Variants in MBD3L1 observed in about 807,000 individuals in gnomAD.
MBD3L1 encodes methyl-CpG binding domain protein 3 like 1, also known as methyl-CpG-binding domain protein 3-like 1.
For synonymous variants in MBD3L1, 84 were observed against 85.1 expected (o/e 0.99, Z 0.07); for missense variants, 203 against 230.1 (o/e 0.88, Z 0.76).
Position 8,842,739 on chromosome 19 carries a change from G to T in MBD3L1, c.61G>T (p.Gly21Cys). Reference sequence around the variant, plus strand: ...TGTAAACCAATGCAAATCAAAGCCTGGCTTGAGCACCTCAATCCCTTTGAG... The same window carrying T: ...TGTAAACCAATGCAAATCAAAGCCTTGCTTGAGCACCTCAATCCCTTTGAG... ...DCVNQCKSKP[G>C]LSTSIPLRMS... The change falls in exon 3 of 3, where the codon GGC becomes TGC. Residue 21 changes from glycine to cysteine, a missense_variant. Coordinates refer to ENST00000595891, the MANE Select transcript of MBD3L1 (RefSeq NM_001393532.1). 2.5e-6 allele frequency: 4 copies of T among 1,614,176 alleles called. No individual in the cohort carries two copies. The highest frequency in any genetic ancestry group is 3.4e-6 in the Non-Finnish European group (4 of 1,180,036).
chr19:8,839,916 G>A (rs1040452653), intron 1 of MBD3L1, among the ~76,000 whole-genome samples: 1 of 152,084 alleles, frequency 6.6e-6, no homozygotes, highest in Non-Finnish European at 1.5e-5. Flanking sequence ...TTAAAGATAT[G>A]GGGGCATCTG....
intron 1 of MBD3L1, among the ~76,000 whole-genome samples, chr19:8,839,185 C>CT (rs57499698): frequency 0.7 from 85,322 of 122,036 alleles, 31,194 homozygotes; most frequent in African/African-American, 0.81. Context: ...CTTTTCTTTT[C>CT]TTTTTTTTTT....
At chr19:8,842,576 G>C in intron 2 of MBD3L1, 82 bp from the exon 3 acceptor site, 2 of 1,010,858 alleles carry the variant, frequency 2.0e-6, no homozygotes, top group Admixed American at 2.5e-5. Context: ...AAGGATGAAA[G>C]TCCAGAACAG....
chr19:8,834,637 AC>A (rs2044434439), intron 1 of MBD3L1, among the ~76,000 whole-genome samples: 3 of 151,408 alleles, frequency 2.0e-5, no homozygotes, highest in Admixed American at 6.6e-5. Flanking sequence ...CCAAAAAAAA[AC>A]AAAAAAAAAA....
chr19:8,837,343 C>T (rs1040689358), intron 1 of MBD3L1, among the ~76,000 whole-genome samples: 3 of 152,020 alleles, frequency 2.0e-5, no homozygotes, highest in Admixed American at 6.6e-5. Flanking sequence ...CTGGTGTAGC[C>T]GTATGAAATG....
At chr19:8,840,450 T>C (rs1489042440) in intron 1 of MBD3L1, among the ~76,000 whole-genome samples, 2 of 152,070 alleles carry the variant, frequency 1.3e-5, no homozygotes, top group African/African-American at 4.8e-5. Context: ...ACCTCAGACA[T>C]GTATCATCAC....
Position 8,842,704 on chromosome 19 carries a change from A to C in MBD3L1, c.26A>C (p.Gln9Pro). The change falls in exon 3 of 3, where the codon CAA becomes CCA. Residue 9 changes from glutamine (Q) to proline (P), a missense_variant. Gln to Pro is a moderately conservative substitution (Grantham distance 76, BLOSUM62 -1). Coordinates refer to ENST00000595891, the MANE Select transcript of MBD3L1 (RefSeq NM_001393532.1). The stretch of plus-strand genomic sequence containing the variant: ...ATGGCCAAGAGTTCACAGAGGAAGC[A>C]ACGTGACTGTGTAAACCAATGCAAA... MAKSSQRK[Q>P]RDCVNQCKSK... The C allele has an allele frequency of 6.2e-7, 1 of 1,614,146 alleles. No individual in the cohort carries two copies. Among genetic ancestry groups the C allele is most frequent in the Non-Finnish European group, 8.5e-7 (1 of 1,179,982 alleles).
At chr19:8,833,450 A>C (rs1256566870) in intron 1 of MBD3L1, 1 of 152,226 alleles carries the variant, frequency 6.6e-6, no homozygotes, top group East Asian at 1.9e-4. Flanking sequence ...TTTCTCCTCT[A>C]TCTTTCCAGA....
intron 1 of MBD3L1, among the ~76,000 whole-genome samples, chr19:8,836,690 C>T (rs2044459628): frequency 6.6e-6 from 1 of 152,124 alleles, no homozygotes; most frequent in Admixed American, 6.6e-5. Flanking sequence ...CAGGGACTCG[C>T]CACACCACAG....
At chr19:8,838,528 C>T (rs2044478769) in intron 1 of MBD3L1, among the ~76,000 whole-genome samples, 1 of 152,148 alleles carries the variant, frequency 6.6e-6, no homozygotes, top group South Asian at 2.1e-4. Flanking sequence ...CCTAGATAAG[C>T]ACCAATATAG....
rs777252617 is a variant in MBD3L1 at position 8,843,209 on chromosome 19, CGCTAATGAG to C, written c.534_542del (p.Asn179_Ala181del). 6.2e-7 allele frequency: 1 copy of C among 1,610,662 alleles called. No individual in the cohort carries two copies. The highest frequency in any genetic ancestry group is 8.5e-7 in the Non-Finnish European group (1 of 1,178,518). The stretch of plus-strand genomic sequence containing the variant: ...CAATAGCACTGATTGCGGATGGACT[CGCTAATGAG>C]GCAGAGAAAGTGAGAGACCAAGAAG... On this transcript the variant is annotated inframe_deletion, in exon 3 of 3. Coordinates refer to ENST00000595891, the MANE Select transcript of MBD3L1 (RefSeq NM_001393532.1).
rs184674317 is a variant in MBD3L1, at chr19:8,842,673, A to G, written c.-6A>G. 364 of 1,611,134 alleles carry G rather than the reference A, an allele frequency of 2.3e-4. 1 individual carries two copies. Among genetic ancestry groups the G allele is most frequent in the Admixed American group, 4.0e-4 (24 of 59,742 alleles). On this transcript the variant is annotated 5_prime_UTR_variant, in exon 3 of 3. Coordinates refer to ENST00000595891, the MANE Select transcript of MBD3L1 (RefSeq NM_001393532.1). ...ATTTTAATAGTGTAAGAGGAAAAGA[A>G]GTGTGATGGCCAAGAGTTCACAGAG...
chr19:8,837,542 TCTGCCTCGAA>T (rs1461162156), intron 1 of MBD3L1, among the ~76,000 whole-genome samples: 3 of 152,144 alleles, frequency 2.0e-5, no homozygotes, highest in Non-Finnish European at 4.4e-5. Flanking sequence ...CTGGACCCTT[TCTGCCTCGAA>T]TGGGGGTGGC....
At chr19:8,839,393 G>A (rs2044488682) in intron 1 of MBD3L1, among the ~76,000 whole-genome samples, 1 of 151,656 alleles carries the variant, frequency 6.6e-6, no homozygotes, top group South Asian at 2.1e-4. Flanking sequence ...GTAGAGATGG[G>A]GTTTCACTGT....
chr19:8,835,873 C>T (rs1256923656), intron 1 of MBD3L1, among the ~76,000 whole-genome samples: 1 of 152,100 alleles, frequency 6.6e-6, no homozygotes, highest in Non-Finnish European at 1.5e-5. Flanking sequence ...CATGGATGAA[C>T]CTTGAAAACA....
chr19:8,839,850 G>A (rs1391100450), intron 1 of MBD3L1, among the ~76,000 whole-genome samples: 2 of 151,900 alleles, frequency 1.3e-5, no homozygotes, highest in East Asian at 3.9e-4. Flanking sequence ...TGTGTAGCTC[G>A]GAGAAACTTG....
chr19:8,842,412 A>G (rs2044522757), intron 2 of MBD3L1, among the ~76,000 whole-genome samples: 1 of 152,030 alleles, frequency 6.6e-6, no homozygotes, highest in African/African-American at 2.4e-5. Flanking sequence ...TTTAAGAGTG[A>G]CAAGGGCAGA....
At chr19:8,839,133 T>C (rs184901241) in intron 1 of MBD3L1, among the ~76,000 whole-genome samples, 136 of 152,256 alleles carry the variant, frequency 8.9e-4, no homozygotes, top group African/African-American at 2.9e-3. Context: ...GAGTTGAATG[T>C]TATCAGATGT....
chr19:8,838,957 C>T (rs1332035317), intron 1 of MBD3L1, among the ~76,000 whole-genome samples: 1 of 152,080 alleles, frequency 6.6e-6, no homozygotes, highest in African/African-American at 2.4e-5. Flanking sequence ...TTGCAGTTAG[C>T]CATCTCTCAG....
Sources: gnomAD v4.1 joint callset for allele counts (sites outside exome capture counted in the v4.1 genomes callset) on GRCh38, gnomAD v4.1.1 for gene constraint, MANE v1.5 for transcripts, NCBI Gene and HGNC (gene_info 2026-07-23, HGNC 2026-07-21) for gene names.